CNTN4: variants seen among roughly 807,000 people sequenced by gnomAD.
CNTN4 encodes the protein contactin 4.
In CNTN4, 77 loss-of-function variants were observed where a neutral mutation model predicts 122.5. The observed-to-expected ratio is 0.63, with a 90% CI of 0.52 to 0.76. CNTN4 has a LOEUF of 0.76. Among genes scored for constraint, CNTN4 ranks in the 30% least tolerant of loss-of-function variants. The probability of loss-of-function intolerance (pLI) is 0.00; values close to 1 mark genes in which losing one functional copy is unlikely to be tolerated. For synonymous variants in CNTN4, 512 were observed against 447.0 expected (o/e 1.15, Z -1.83); for missense variants, 1,256 against 1,259.1 (o/e 1.00, Z 0.04).
intron 2 of CNTN4, among the ~76,000 whole-genome samples, chr3:2,187,006 CTATGTCCTGAATGGT>C (rs1273681756): frequency 2.0e-5 from 3 of 152,182 alleles, no homozygotes; most frequent in African/African-American, 7.2e-5. Context: ...TTGCCCATGC[CTATGTCCTGAATGGT>C]ATTGCCTAGG....
chr3:2,752,565 G>A (rs763536018), intron 6 of CNTN4, among the ~76,000 whole-genome samples: 9 of 152,052 alleles, frequency 5.9e-5, no homozygotes, highest in Admixed American at 2.0e-4. Flanking sequence ...GGGTTTCACC[G>A]GCCTCGAACT....
intron 2 of CNTN4, among the ~76,000 whole-genome samples, chr3:2,326,241 C>T (rs2043450361): frequency 6.6e-6 from 1 of 152,124 alleles, no homozygotes; most frequent in Admixed American, 6.6e-5. Flanking sequence ...TACCTTTGAA[C>T]TGGGACATTG....
At chr3:2,896,041 T>A (rs187769998) in intron 10 of CNTN4, among the ~76,000 whole-genome samples, 2 of 151,600 alleles carry the variant, frequency 1.3e-5, no homozygotes, top group South Asian at 2.1e-4. Context: ...TCAAAAAAAA[T>A]AAATAAATAA....
intron 4 of CNTN4, among the ~76,000 whole-genome samples, chr3:2,725,071 A>G (rs976193340): frequency 2.0e-5 from 3 of 152,212 alleles, no homozygotes; most frequent in African/African-American, 7.2e-5. Flanking sequence ...AGAAAAATAT[A>G]TCCCTATGAG....
intron 4 of CNTN4, among the ~76,000 whole-genome samples, chr3:2,688,301 A>C (rs1216420582): frequency 2.0e-5 from 3 of 152,148 alleles, no homozygotes. Flanking sequence ...ACAGTTTGTC[A>C]TTCAACCAAA....
chr3:2,445,861 T>C (rs1015972252), intron 3 of CNTN4, among the ~76,000 whole-genome samples: 2 of 152,070 alleles, frequency 1.3e-5, no homozygotes, highest in African/African-American at 4.8e-5. Context: ...GCTGCTAATA[T>C]CAATTTGAGG....
chr3:2,886,810 T>C (rs988346079), intron 9 of CNTN4, among the ~76,000 whole-genome samples: 1 of 152,144 alleles, frequency 6.6e-6, no homozygotes, highest in African/African-American at 2.4e-5. Flanking sequence ...CATTGCACCC[T>C]GCCAGATCAC....
At chr3:2,931,261 A>G (rs1299681818) in intron 13 of CNTN4, among the ~76,000 whole-genome samples, 2 of 152,202 alleles carry the variant, frequency 1.3e-5, no homozygotes, top group African/African-American at 4.8e-5. Context: ...AACTGAAAAC[A>G]CTTAATGACC....
chr3:2,789,282 C>A (rs1245676796), intron 6 of CNTN4, among the ~76,000 whole-genome samples: 4 of 152,144 alleles, frequency 2.6e-5, no homozygotes, highest in Admixed American at 6.5e-5. Flanking sequence ...ACAGTAATTC[C>A]TAATCCAAGG....
chr3:2,163,645 G>GA (rs898971098), intron 2 of CNTN4, among the ~76,000 whole-genome samples: 28 of 143,122 alleles, frequency 2.0e-4, no homozygotes, highest in South Asian at 4.4e-4. Context: ...AGGAACTCAA[G>GA]AAAAAAAAAA....
At chr3:2,170,765 T>C (rs2036467425) in intron 2 of CNTN4, among the ~76,000 whole-genome samples, 1 of 152,130 alleles carries the variant, frequency 6.6e-6, no homozygotes. Context: ...TATTTTAAAA[T>C]GTACTGTCAG....
At chr3:2,276,466 G>C (rs770095547) in intron 2 of CNTN4, among the ~76,000 whole-genome samples, 1 of 152,080 alleles carries the variant, frequency 6.6e-6, no homozygotes, top group South Asian at 2.1e-4. Context: ...GAGCCACTGC[G>C]GCAGGCTTCT....
chr3:2,198,961 A>G (rs1342724159), intron 2 of CNTN4, among the ~76,000 whole-genome samples: 1 of 152,222 alleles, frequency 6.6e-6, no homozygotes, highest in Non-Finnish European at 1.5e-5. Context: ...GCACACAAAG[A>G]AATGACTGGG....
At chr3:2,274,136 A>G (rs971498522) in intron 2 of CNTN4, among the ~76,000 whole-genome samples, 1 of 152,180 alleles carries the variant, frequency 6.6e-6, no homozygotes, top group Non-Finnish European at 1.5e-5. Context: ...TAATCCCAGC[A>G]CTTTGCGAGG....
At chr3:2,153,629 G>A (rs540769837) in intron 2 of CNTN4, among the ~76,000 whole-genome samples, 17 of 152,272 alleles carry the variant, frequency 1.1e-4, no homozygotes, top group South Asian at 4.1e-4. Flanking sequence ...CAAAAGGAGC[G>A]CGAAACCATG....
intron 6 of CNTN4, among the ~76,000 whole-genome samples, chr3:2,767,613 A>C (rs1019158450): frequency 3.3e-5 from 5 of 152,184 alleles, no homozygotes; most frequent in Non-Finnish European, 2.9e-5. Flanking sequence ...AGTCCATGGA[A>C]TACCTCATGG....
At chr3:2,647,939 A>G (rs1199721988) in intron 4 of CNTN4, among the ~76,000 whole-genome samples, 2 of 152,230 alleles carry the variant, frequency 1.3e-5, no homozygotes, top group African/African-American at 2.4e-5. Flanking sequence ...ACAATTAGAT[A>G]TAAGTTTCTT....
rs114433639 is a variant in CNTN4 at position 2,843,078 on chromosome 3, C to T, written c.454+23497C>T. Among the ~76,000 whole-genome samples the T allele has an allele frequency of 4.6e-3, 706 of 152,144 alleles. 7 individuals carry two copies. Among genetic ancestry groups the T allele is most frequent in the African/African-American group, 0.016 (675 of 41,500 alleles). On this transcript the variant is annotated intron_variant, in intron 7 of 24. Coordinates refer to ENST00000418658, the MANE Select transcript of CNTN4 (RefSeq NM_175607.3). The stretch of plus-strand genomic sequence containing the variant: ...AATACTTGACTTACATATCCATTTC[C>T]TGCTCATCTTCTCACGTGGTTGTCC...
chr3:2,708,727 T>TCTCACA (rs1214979217), intron 4 of CNTN4, among the ~76,000 whole-genome samples: 423 of 151,002 alleles, frequency 2.8e-3, no homozygotes, highest in African/African-American at 9.5e-3. Context: ...CACGCGCGCA[T>TCTCACA]CACACACACA....
Sources: gnomAD v4.1 joint callset for allele counts (sites outside exome capture counted in the v4.1 genomes callset) on GRCh38, gnomAD v4.1.1 for gene constraint, MANE v1.5 for transcripts, NCBI Gene and HGNC (gene_info 2026-07-23, HGNC 2026-07-21) for gene names.